The following NRXN3 variants were observed in gnomAD, a reference collection of about 807,000 sequenced individuals.
NRXN3 encodes neurexin III.
In NRXN3, 32 loss-of-function variants were observed where a neutral mutation model predicts 137.6. The ratio of observed to expected loss-of-function variants is 0.23; its 90% CI spans 0.18 to 0.31. NRXN3 has a LOEUF of 0.31. Among genes scored for constraint, NRXN3 ranks in the 10% least tolerant of loss-of-function variants. The pLI is 1.00. For synonymous variants in NRXN3, 798 were observed against 784.5 expected, an observed-to-expected ratio of 1.02 and a Z score of -0.29; for missense variants, 1,574 against 2,062.5, an observed-to-expected ratio of 0.76 and a Z score of 4.59.
intron 19 of NRXN3, among the ~76,000 whole-genome samples, chr14:79,768,608 C>A (rs1389742004): frequency 6.6e-6 from 1 of 152,136 alleles, no homozygotes; most frequent in Non-Finnish European, 1.5e-5. Flanking sequence ...ACATCCACAC[C>A]AAAAACCCAT....
chr14:78,351,138 G>A (rs1256830898), intron 4 of NRXN3, among the ~76,000 whole-genome samples: 1 of 152,062 alleles, frequency 6.6e-6, no homozygotes, highest in Non-Finnish European at 1.5e-5. Flanking sequence ...TCACAGAAAT[G>A]GTTTCTATAG....
chr14:79,480,162 G>A (rs1238491670), intron 16 of NRXN3, among the ~76,000 whole-genome samples: 1 of 152,162 alleles, frequency 6.6e-6, no homozygotes, highest in Non-Finnish European at 1.5e-5. Flanking sequence ...TCTAGCAGCA[G>A]AGTATAGTAA....
chr14:78,505,195 T>C (rs2095963358), intron 4 of NRXN3, among the ~76,000 whole-genome samples: 1 of 152,142 alleles, frequency 6.6e-6, no homozygotes, highest in Non-Finnish European at 1.5e-5. Context: ...GGAAGGTTTT[T>C]TTTTTAAGAT....
intron 4 of NRXN3, among the ~76,000 whole-genome samples, chr14:78,494,844 C>G (rs980417254): frequency 6.6e-6 from 1 of 152,032 alleles, no homozygotes. Context: ...AAATAACGGT[C>G]TGGAATACCA....
chr14:78,837,571 G>GGAAA (rs1209046503), intron 10 of NRXN3, among the ~76,000 whole-genome samples: 2 of 151,276 alleles, frequency 1.3e-5, no homozygotes, highest in African/African-American at 4.9e-5. Context: ...TGATCCTTTT[G>GGAAA]GAAAGAGCAA....
intron 1 of NRXN3, among the ~76,000 whole-genome samples, chr14:78,240,921 T>G (rs74931927): frequency 6.6e-6 from 1 of 152,170 alleles, no homozygotes; most frequent in East Asian, 1.9e-4. Context: ...ATGGAGCCCA[T>G]GGTGAATTAT....
intron 10 of NRXN3, among the ~76,000 whole-genome samples, chr14:78,931,596 A>G (rs1359252280): frequency 6.6e-6 from 1 of 152,140 alleles, no homozygotes; most frequent in Non-Finnish European, 1.5e-5. Flanking sequence ...TGAGAATCAT[A>G]TATTTAGTGT....
intron 4 of NRXN3, among the ~76,000 whole-genome samples, chr14:78,618,258 C>CTT (rs79670263): frequency 1.3e-4 from 18 of 142,674 alleles, no homozygotes; most frequent in African/African-American, 4.1e-4. Flanking sequence ...TGTGCTATAC[C>CTT]TTTTTTTTTT....
chr14:79,079,977 G>C (rs1308365994), intron 15 of NRXN3, among the ~76,000 whole-genome samples: 1 of 152,146 alleles, frequency 6.6e-6, no homozygotes, highest in Non-Finnish European at 1.5e-5. Flanking sequence ...GACAGAGTGA[G>C]ACTCCATCTC....
At chr14:79,435,626 AC>A (rs1386358960) in intron 15 of NRXN3, among the ~76,000 whole-genome samples, 3 of 151,392 alleles carry the variant, frequency 2.0e-5, no homozygotes, top group African/African-American at 7.3e-5. Flanking sequence ...ACACACACAC[AC>A]ACATACATTC....
At chr14:78,972,490 T>C (rs185137737) in intron 14 of NRXN3, among the ~76,000 whole-genome samples, 77 of 152,322 alleles carry the variant, frequency 5.1e-4, no homozygotes, top group African/African-American at 1.9e-3. Flanking sequence ...TCCTAATGTT[T>C]AGAAGTATTT....
intron 15 of NRXN3, among the ~76,000 whole-genome samples, chr14:79,041,386 C>A (rs1321925984): frequency 1.3e-5 from 2 of 152,136 alleles, no homozygotes; most frequent in Non-Finnish European, 2.9e-5. Flanking sequence ...AGTCAAGGAG[C>A]AGATCCATTA....
chr14:78,693,264 A>G (rs1334150071), intron 6 of NRXN3, among the ~76,000 whole-genome samples: 2 of 151,996 alleles, frequency 1.3e-5, no homozygotes, highest in Non-Finnish European at 2.9e-5. Context: ...TATCAGCTTT[A>G]TCTCTGATAT....
chr14:79,457,766 T>C (rs2096276140), intron 15 of NRXN3, among the ~76,000 whole-genome samples: 1 of 152,182 alleles, frequency 6.6e-6, no homozygotes, highest in Non-Finnish European at 1.5e-5. Context: ...TTTTTATGTG[T>C]ATTGTTTTTC....
intron 4 of NRXN3, among the ~76,000 whole-genome samples, chr14:78,525,356 G>A (rs922754364): frequency 6.6e-6 from 1 of 152,210 alleles, no homozygotes; most frequent in African/African-American, 2.4e-5. Flanking sequence ...ATGAAAATAA[G>A]CATTGGCCCC....
At chr14:78,482,880 G>A (rs982612672) in intron 4 of NRXN3, among the ~76,000 whole-genome samples, 1 of 152,070 alleles carries the variant, frequency 6.6e-6, no homozygotes, top group Non-Finnish European at 1.5e-5. Flanking sequence ...TTGGTTACTA[G>A]TCAATCTGGG....
intron 15 of NRXN3, among the ~76,000 whole-genome samples, chr14:79,072,871 T>A (rs1459073268): frequency 7.9e-6 from 1 of 126,988 alleles, no homozygotes; most frequent in Non-Finnish European, 1.9e-5. Context: ...GTATGTGTTT[T>A]CTCTCTCTCT....
At chr14:78,373,951 T>G (rs71413498) in intron 4 of NRXN3, among the ~76,000 whole-genome samples, 4 of 152,162 alleles carry the variant, frequency 2.6e-5, no homozygotes, top group Admixed American at 1.3e-4. Flanking sequence ...ATATTGGTTT[T>G]TATTTTGTGC....
At chr14:78,634,903 A>G (rs1321882018) in intron 4 of NRXN3, among the ~76,000 whole-genome samples, 3 of 152,150 alleles carry the variant, frequency 2.0e-5, no homozygotes, top group African/African-American at 7.2e-5. Context: ...ATTTATATTC[A>G]TTATTCTCTA....
Sources: gnomAD v4.1 joint callset for allele counts (sites outside exome capture counted in the v4.1 genomes callset) on GRCh38, gnomAD v4.1.1 for gene constraint, MANE v1.5 for transcripts, NCBI Gene and HGNC (gene_info 2026-07-23, HGNC 2026-07-21) for gene names.